TMEFF2: variants seen among roughly 807,000 people sequenced by gnomAD.
TMEFF2 encodes tomoregulin-2.
In TMEFF2, 28 loss-of-function variants were observed where a neutral mutation model predicts 53.8. The ratio of observed to expected loss-of-function variants is 0.52; its 90% CI spans 0.39 to 0.71. The LOEUF (loss-of-function observed/expected upper bound fraction) is 0.71, where lower values mean the gene tolerates loss of function less well. Ranked by LOEUF, TMEFF2 falls within the 30% of genes least tolerant of loss-of-function variation. TMEFF2 has a pLI of 0.00. For missense variants in TMEFF2, 353 were observed against 455.2 expected, an observed-to-expected ratio of 0.78 and a Z score of 2.04; for synonymous variants, 162 against 166.3, an observed-to-expected ratio of 0.97 and a Z score of 0.20.
At chr2:192,102,885 C>T (rs1383234615) in intron 4 of TMEFF2, among the ~76,000 whole-genome samples, 1 of 151,854 alleles carries the variant, frequency 6.6e-6, no homozygotes, top group Non-Finnish European at 1.5e-5. Context: ...TAATGTCTTT[C>T]TTGACCATCC....
In TMEFF2 at chr2:192,173,205, A is replaced by G. The variant is rs150392039; in HGVS notation, c.439+6463T>C. Among the ~76,000 whole-genome samples, 340 of 151,986 alleles carry G rather than the reference A, an allele frequency of 2.2e-3. 3 individuals carry two copies. Among genetic ancestry groups the G allele is most frequent in the East Asian group, 0.021 (108 of 5,158 alleles). ...GGTGATGGATACCCCAATTACCCTGATCTTATCATGATACATTGCATGCTT... is the reference window on the plus strand; with the variant it reads ...GGTGATGGATACCCCAATTACCCTGGTCTTATCATGATACATTGCATGCTT... On this transcript the variant is annotated intron_variant, in intron 4 of 9. Coordinates refer to ENST00000272771, the MANE Select transcript of TMEFF2 (RefSeq NM_016192.4).
chr2:192,057,222 T>A (rs1038816941), intron 5 of TMEFF2, among the ~76,000 whole-genome samples: 1 of 152,030 alleles, frequency 6.6e-6, no homozygotes, highest in Non-Finnish European at 1.5e-5. Context: ...TATTATTATT[T>A]TTTTTTATGG....
At chr2:192,015,299 T>C (rs549731081) in intron 5 of TMEFF2, among the ~76,000 whole-genome samples, 1 of 137,448 alleles carries the variant, frequency 7.3e-6, no homozygotes, top group East Asian at 2.6e-4. Context: ...CTAGAGGCTA[T>C]CACTGAAGCT....
At chr2:191,996,256 C>A (rs1432481051) in intron 7 of TMEFF2, among the ~76,000 whole-genome samples, 1 of 151,824 alleles carries the variant, frequency 6.6e-6, no homozygotes, top group African/African-American at 2.4e-5. Context: ...TGACACTGAT[C>A]AACTTGAAGA....
At chr2:192,154,876 T>C (rs1253137231) in intron 4 of TMEFF2, among the ~76,000 whole-genome samples, 1 of 151,934 alleles carries the variant, frequency 6.6e-6, no homozygotes, top group East Asian at 1.9e-4. Flanking sequence ...ATTCCCCCAC[T>C]TTGACAGGTT....
intron 4 of TMEFF2, among the ~76,000 whole-genome samples, chr2:192,172,922 A>G (rs1434704437): frequency 1.3e-5 from 2 of 151,910 alleles, no homozygotes; most frequent in African/African-American, 4.8e-5. Context: ...TGGCTTAGTC[A>G]CCATATTTAC....
At chr2:192,076,796 A>G (rs1688442220) in intron 4 of TMEFF2, among the ~76,000 whole-genome samples, 1 of 152,144 alleles carries the variant, frequency 6.6e-6, no homozygotes, top group Non-Finnish European at 1.5e-5. Context: ...CCCACCACAG[A>G]TGGTGAAGTG....
chr2:192,029,668 C>T (rs1046336830), intron 5 of TMEFF2, among the ~76,000 whole-genome samples: 1 of 152,036 alleles, frequency 6.6e-6, no homozygotes, highest in Non-Finnish European at 1.5e-5. Context: ...TTGGAAGACC[C>T]CAAAGAGCTT....
intron 4 of TMEFF2, among the ~76,000 whole-genome samples, chr2:192,120,436 G>A (rs768789769): frequency 7.2e-5 from 11 of 152,122 alleles, no homozygotes; most frequent in East Asian, 1.9e-4. Context: ...CCTATTGTGC[G>A]TGTGCTCAAC....
chr2:192,019,663 G>C (rs1050150297), intron 5 of TMEFF2, among the ~76,000 whole-genome samples: 3 of 150,390 alleles, frequency 2.0e-5, no homozygotes, highest in African/African-American at 7.3e-5. Flanking sequence ...CAGGGTCCTT[G>C]TATTTTGCAT....
At chr2:192,060,311 C>A (rs1688013978) in intron 4 of TMEFF2, among the ~76,000 whole-genome samples, 1 of 152,126 alleles carries the variant, frequency 6.6e-6, no homozygotes, top group Non-Finnish European at 1.5e-5. Flanking sequence ...GAGGTATGGT[C>A]TCAGGTTCTG....
chr2:192,013,176 T>C (rs1686670279), intron 5 of TMEFF2, among the ~76,000 whole-genome samples: 1 of 152,188 alleles, frequency 6.6e-6, no homozygotes, highest in African/African-American at 2.4e-5. Flanking sequence ...CCGTGGTTCA[T>C]GAGGCCCTGT....
intron 7 of TMEFF2, among the ~76,000 whole-genome samples, chr2:191,982,342 C>T (rs1208430016): frequency 6.6e-6 from 1 of 151,936 alleles, no homozygotes; most frequent in African/African-American, 2.4e-5. Flanking sequence ...AAATGTAATA[C>T]CTAATACAGG....
intron 5 of TMEFF2, among the ~76,000 whole-genome samples, chr2:192,040,314 C>T (rs1687440617): frequency 6.6e-6 from 1 of 152,018 alleles, no homozygotes; most frequent in African/African-American, 2.4e-5. Flanking sequence ...TTACATTCTT[C>T]CTTCTCCTCA....
intron 7 of TMEFF2, among the ~76,000 whole-genome samples, chr2:191,963,806 TA>T (rs1218134918): frequency 1.1e-4 from 16 of 152,230 alleles, no homozygotes; most frequent in African/African-American, 2.9e-4. Context: ...AACTGATTCT[TA>T]AGACAAGATG....
chr2:191,996,635 T>C (rs1686228717), intron 7 of TMEFF2, among the ~76,000 whole-genome samples: 1 of 151,916 alleles, frequency 6.6e-6, no homozygotes, highest in South Asian at 2.1e-4. Flanking sequence ...CTGCAAAACA[T>C]GCCACAAAAA....
chr2:191,949,739 A>C lies in TMEFF2; in HGVS notation c.*572T>G, dbSNP rs928715839. The C allele has an allele frequency of 2.0e-6, 2 of 985,330 alleles. No individual in the cohort carries two copies. The highest frequency in any genetic ancestry group is 1.2e-4 in the Admixed American group (2 of 16,260). The allele number at this position is 985,330 out of a possible 1,614,324, so 61.0% of individuals were successfully genotyped here. ...CAGAGATTTTTCTGCTCTAGGGATG[A>C]AAATGGAAGACCAGGGAAGAAAGTT... is the stretch of plus-strand genomic sequence containing the variant. On this transcript the variant is annotated 3_prime_UTR_variant, in exon 10 of 10. Coordinates refer to ENST00000272771, the MANE Select transcript of TMEFF2 (RefSeq NM_016192.4).
chr2:191,987,309 G>A (rs999810320), intron 7 of TMEFF2, among the ~76,000 whole-genome samples: 1 of 152,136 alleles, frequency 6.6e-6, no homozygotes, highest in Non-Finnish European at 1.5e-5. Context: ...TAAGGTGATG[G>A]TCAACAATTT....
chr2:192,138,185 A>G (rs117980704), intron 4 of TMEFF2, among the ~76,000 whole-genome samples: 529 of 152,320 alleles, frequency 3.5e-3, no homozygotes, highest in East Asian at 0.011. Context: ...TACAGTTACT[A>G]CAATGTGTTA....
Sources: gnomAD v4.1 joint callset for allele counts (sites outside exome capture counted in the v4.1 genomes callset) on GRCh38, gnomAD v4.1.1 for gene constraint, MANE v1.5 for transcripts, NCBI Gene and HGNC (gene_info 2026-07-23, HGNC 2026-07-21) for gene names.